RBMS1: variants seen among roughly 807,000 people sequenced by gnomAD.
RBMS1 encodes the protein RNA-binding motif, single-stranded-interacting protein 1.
RBMS1 carries 17 observed loss-of-function variants against 62.3 expected under a neutral mutation model. The ratio of observed to expected loss-of-function variants is 0.27; its 90% CI spans 0.19 to 0.41. The LOEUF (loss-of-function observed/expected upper bound fraction) is 0.41, where lower values mean the gene tolerates loss of function less well. RBMS1 is among the 10% of genes least tolerant of loss of function. The probability of loss-of-function intolerance (pLI) is 1.00; values close to 1 mark genes in which losing one functional copy is unlikely to be tolerated. For missense variants in RBMS1, 334 were observed against 504.5 expected (o/e 0.66, Z 3.24); for synonymous variants, 172 against 170.0 (o/e 1.01, Z -0.09).
chr2:160,438,404 C>G (rs926567759), intron 1 of RBMS1, among the ~76,000 whole-genome samples: 1 of 151,700 alleles, frequency 6.6e-6, no homozygotes, highest in South Asian at 2.1e-4. Flanking sequence ...GAGGACCCTG[C>G]GGCCTTCCGC....
chr2:160,349,632 G>C (rs1022547829), intron 2 of RBMS1, among the ~76,000 whole-genome samples: 2 of 151,922 alleles, frequency 1.3e-5, no homozygotes, highest in African/African-American at 2.4e-5. Context: ...TAGGTCATGA[G>C]TTTGGCTATC....
At chr2:160,413,297 A>G (rs1469613178) in intron 1 of RBMS1, among the ~76,000 whole-genome samples, 1 of 152,158 alleles carries the variant, frequency 6.6e-6, no homozygotes, top group Non-Finnish European at 1.5e-5. Flanking sequence ...TTGAGAGTCT[A>G]TGTATAAGAG....
At chr2:160,327,406 T>C (rs918172572) in intron 2 of RBMS1, among the ~76,000 whole-genome samples, 1 of 152,116 alleles carries the variant, frequency 6.6e-6, no homozygotes, top group African/African-American at 2.4e-5. Flanking sequence ...ACTAAAACTA[T>C]CTCATTAAAA....
intron 2 of RBMS1, among the ~76,000 whole-genome samples, chr2:160,350,104 TAAAGTC>T (rs1692414157): frequency 6.6e-6 from 1 of 151,732 alleles, no homozygotes; most frequent in African/African-American, 2.4e-5. Flanking sequence ...TAAGGGGAGA[TAAAGTC>T]AGAGAAGTTA....
At chr2:160,319,085 T>C (rs935558155) in intron 2 of RBMS1, among the ~76,000 whole-genome samples, 1 of 152,162 alleles carries the variant, frequency 6.6e-6, no homozygotes, top group Admixed American at 6.5e-5. Flanking sequence ...GACAGTATAA[T>C]GTAAATATGA....
intron 1 of RBMS1, among the ~76,000 whole-genome samples, chr2:160,443,433 T>C (rs1047528395): frequency 6.6e-6 from 1 of 152,116 alleles, no homozygotes; most frequent in African/African-American, 2.4e-5. Flanking sequence ...TGCAGCCTGA[T>C]GGGAGGTGTT....
chr2:160,424,167 C>G (rs558647006), intron 1 of RBMS1, among the ~76,000 whole-genome samples: 2 of 151,588 alleles, frequency 1.3e-5, no homozygotes, highest in South Asian at 4.2e-4. Flanking sequence ...TACAGGCGCC[C>G]GCCACCACAC....
chr2:160,374,031 G>C (rs1276385843), intron 1 of RBMS1, among the ~76,000 whole-genome samples: 1 of 152,128 alleles, frequency 6.6e-6, no homozygotes, highest in Admixed American at 6.6e-5. Context: ...CCAGCACTTT[G>C]GGAGGCCAAG....
chr2:160,281,912 A>C (rs1688123313), intron 9 of RBMS1: 1 of 191,268 alleles, frequency 5.2e-6, no homozygotes, highest in Admixed American at 5.5e-5. Flanking sequence ...CAGAAAATAA[A>C]AATCTGAAAT....
chr2:160,283,108 T>C (rs1185127269), intron 9 of RBMS1: 4 of 152,226 alleles, frequency 2.6e-5, no homozygotes, highest in Admixed American at 2.0e-4. Context: ...ACTGGTTTTA[T>C]ATTATAAGAG....
Sources: gnomAD v4.1 joint callset for allele counts (sites outside exome capture counted in the v4.1 genomes callset) on GRCh38, gnomAD v4.1.1 for gene constraint, MANE v1.5 for transcripts, NCBI Gene and HGNC (gene_info 2026-07-23, HGNC 2026-07-21) for gene names.